Variants in PPP1R13L observed in about 807,000 individuals in gnomAD.
PPP1R13L encodes the protein protein phosphatase 1 regulatory subunit 13 like, also known as relA-associated inhibitor.
PPP1R13L carries 50 observed loss-of-function variants against 80.9 expected under a neutral mutation model. The ratio of observed to expected loss-of-function variants is 0.62; its 90% CI spans 0.49 to 0.78. The LOEUF is 0.78. Ranked by LOEUF, PPP1R13L falls within the 30% of genes least tolerant of loss-of-function variation. The pLI is 0.00. For missense variants in PPP1R13L, 1,200 were observed against 1,205.9 expected (o/e 1.00, Z 0.07); for synonymous variants, 602 against 534.3 (o/e 1.13, Z -1.75).
chr19:45,390,167 T>A (rs1211835943), intron 8 of PPP1R13L, among the ~76,000 whole-genome samples: 1 of 152,098 alleles, frequency 6.6e-6, no homozygotes. Flanking sequence ...CTTGGCTCAC[T>A]GCAACCTCCG....
Position 45,398,267 on chromosome 19 carries a change from G to T in PPP1R13L, c.52C>A (p.Gln18Lys). The T allele has an allele frequency of 6.2e-7, 1 of 1,613,930 alleles. No homozygotes were observed. Among genetic ancestry groups the T allele is most frequent in the East Asian group, 2.2e-5 (1 of 44,882 alleles). Residue 18 changes from glutamine (Q) to lysine (K), a missense_variant, in exon 2 of 13, where the codon CAG (glutamine) becomes AAG (lysine). This residue lies in a region of PPP1R13L where 764 missense variants were observed against 714.5 expected (regional missense o/e 1.07). Transcript: ENST00000360957. ...SARDFLDMNF[Q>K]SLAMKHMDLK... Reference sequence around the variant, plus strand: ...CCCGCCCCCTACTCCAGCTTACACTGGAAGTTCATGTCCAGAAAGTCCCGC... The same window carrying T: ...CCCGCCCCCTACTCCAGCTTACACTTGAAGTTCATGTCCAGAAAGTCCCGC...
chr19:45,400,226 C>G (rs934686738), intron 1 of PPP1R13L, among the ~76,000 whole-genome samples: 3 of 151,936 alleles, frequency 2.0e-5, no homozygotes, highest in African/African-American at 7.2e-5. Flanking sequence ...AGGTCTGGCT[C>G]TCACTGACCC....
intron 8 of PPP1R13L, among the ~76,000 whole-genome samples, chr19:45,388,113 A>G (rs1319662073): frequency 6.6e-6 from 1 of 151,862 alleles, no homozygotes; most frequent in Non-Finnish European, 1.5e-5. Context: ...AGTTATAGTG[A>G]GCTGAGATGG....
upstream of PPP1R13L, chr19:45,406,097 CT>C (rs1973350352): frequency 5.9e-6 from 1 of 170,738 alleles, no homozygotes; most frequent in Admixed American, 6.5e-5. This position sits in a 1 kb window ranked among gnomAD's most constrained non-coding sequence, Gnocchi z 4.2. Context: ...CCACAAGCTC[CT>C]CCCCCTATGT....
intron 1 of PPP1R13L, 36 bp from the exon 2 acceptor site, chr19:45,398,375 C>G: frequency 6.3e-7 from 1 of 1,599,788 alleles, no homozygotes; most frequent in South Asian, 1.1e-5. Flanking sequence ...GGCTAAGACC[C>G]CGCCCCTCTA....
Position 45,396,337 on chromosome 19 carries a change from C to T in PPP1R13L, c.811+1G>A. 6.2e-7 allele frequency: 1 copy of T among 1,614,100 alleles called. No individual in the cohort carries two copies. Among genetic ancestry groups the T allele is most frequent in the Non-Finnish European group, 8.5e-7 (1 of 1,180,018 alleles). ...CCATTCCCCGGGCCTCCACCACTCA[C>T]GTTCATAGCTCGCTGTCTGCGAAGG... On this transcript the variant is annotated splice_donor_variant, in intron 5 of 12. Coordinates refer to ENST00000360957, the MANE Select transcript of PPP1R13L (RefSeq NM_006663.4). LOFTEE classifies it high-confidence loss of function. This position sits in a 1 kb window ranked among gnomAD's most constrained non-coding sequence, Gnocchi z 5.3.
intron 8 of PPP1R13L, among the ~76,000 whole-genome samples, chr19:45,388,037 T>C (rs1972903125): frequency 6.6e-6 from 1 of 151,986 alleles, no homozygotes; most frequent in East Asian, 1.9e-4. Flanking sequence ...GCCGTGGTGG[T>C]GCACGCCTGT....
Position 45,396,225 on chromosome 19 carries a change from G to T in PPP1R13L, c.846C>A (p.Ser282Arg), listed in dbSNP as rs891499488. 1.2e-6 allele frequency: 2 copies of T among 1,610,178 alleles called. No individual in the cohort carries two copies. The change falls in exon 6 of 13, where the codon AGC becomes AGA. Residue 282 changes from serine to arginine, a missense_variant. Ser to Arg is a moderately radical substitution (Grantham distance 110). This residue lies in a region of PPP1R13L where 764 missense variants were observed against 714.5 expected (regional missense o/e 1.07). Coordinates refer to ENST00000360957, the MANE Select transcript of PPP1R13L (RefSeq NM_006663.4). This position sits in a 1 kb window ranked among gnomAD's most constrained non-coding sequence, Gnocchi z 5.3. ...LDVFARPASPSLQLLPWRESS... is the reference protein window; with the variant it reads ...LDVFARPASPRLQLLPWRESS... ...TCTCCCTCCAAGGCAACAGCTGCAG[G>T]CTCGGCGAGGCAGGCCTTGCGAAGA...
chr19:45,385,531 G>T lies in PPP1R13L; in HGVS notation c.2248+31C>A, dbSNP rs760154086. Reference sequence around the variant, plus strand: ...CTCCCCGCTCCTGCGCACCCGCCAGGTACCCAGGCGCCAGCAGCCCTGCCT... The same window carrying T: ...CTCCCCGCTCCTGCGCACCCGCCAGTTACCCAGGCGCCAGCAGCCCTGCCT... On this transcript the variant is annotated intron_variant, in intron 11 of 12. Coordinates refer to ENST00000360957, the MANE Select transcript of PPP1R13L (RefSeq NM_006663.4). The T allele has an allele frequency of 1.2e-5, 19 of 1,588,150 alleles. No homozygotes were observed. In the South Asian group the frequency reaches 1.9e-4, roughly 16 times the overall value.
chr19:45,381,869 G>T (rs530716196), intron 12 of PPP1R13L, among the ~76,000 whole-genome samples: 299 of 152,186 alleles, frequency 2.0e-3, no homozygotes, highest in Non-Finnish European at 3.5e-3. Flanking sequence ...GAGCCCGGGA[G>T]GCAGAGGTTG....
intron 8 of PPP1R13L, among the ~76,000 whole-genome samples, chr19:45,389,349 G>A (rs997079285): frequency 9.2e-5 from 14 of 152,154 alleles, no homozygotes; most frequent in Admixed American, 7.9e-4. Flanking sequence ...TCTTCCCGCT[G>A]TCTACGCACA....
chr19:45,391,791 C>T (rs759153778), intron 8 of PPP1R13L, 89 bp downstream of exon 8: 300 of 1,085,266 alleles, frequency 2.8e-4, no homozygotes, highest in Non-Finnish European at 3.5e-4. Flanking sequence ...ACTTCGATCT[C>T]ATCTAAGCCA....
chr19:45,398,467 C>G (rs1414715706), intron 1 of PPP1R13L, 128 bp from the exon 2 acceptor site: 1 of 875,936 alleles, frequency 1.1e-6, no homozygotes, highest in African/African-American at 1.7e-5. Context: ...GCCCTTTACC[C>G]TTTCACCTCC....
chr19:45,396,781 G>A lies in PPP1R13L; in HGVS notation c.476C>T (p.Pro159Leu), dbSNP rs758499040. 2.4e-4 allele frequency: 320 copies of A among 1,357,538 alleles called. No homozygotes were observed. Among genetic ancestry groups the A allele is most frequent in the Non-Finnish European group, 2.8e-4 (301 of 1,065,386 alleles). The allele number at this position is 1,357,538 out of a possible 1,614,324, so 84.1% of individuals were successfully genotyped here. A position where few individuals can be genotyped will look rare whatever the true frequency, so the allele number is the denominator to read the frequency against. ...GCGGAGCGGGCCTGGCCCGGGCCGC[G>A]GGGAGGGCGCACGGCCGAGGGAGCT... ...AGSSLGRAPS[P>L]RPGPGPLRQQ... The change falls in exon 4 of 13, where the codon CCG becomes CTG. Residue 159 changes from proline (P) to leucine (L), a missense_variant. This residue lies in a region of PPP1R13L where 764 missense variants were observed against 714.5 expected (regional missense o/e 1.07). Transcript: ENST00000360957. This position sits in a 1 kb window ranked among gnomAD's most constrained non-coding sequence, Gnocchi z 5.3.
intron 1 of PPP1R13L, among the ~76,000 whole-genome samples, chr19:45,403,920 A>G (rs1319391621): frequency 1.3e-5 from 2 of 152,008 alleles, no homozygotes; most frequent in Non-Finnish European, 2.9e-5. Context: ...GGACAGACAG[A>G]CACCTCCAGA....
intron 1 of PPP1R13L, among the ~76,000 whole-genome samples, chr19:45,398,589 T>TC (rs1391886375): frequency 6.7e-6 from 1 of 149,320 alleles, no homozygotes; most frequent in African/African-American, 2.5e-5. Flanking sequence ...TCTTTTCTTT[T>TC]TTTTTTTTTT....
intron 1 of PPP1R13L, 105 bp downstream of exon 1, chr19:45,404,894 A>C: frequency 4.3e-6 from 3 of 705,000 alleles, no homozygotes; most frequent in Non-Finnish European, 5.2e-6. Flanking sequence ...GGCGCGCCCC[A>C]AATTCCGCCC....
rs1568560127 is a variant in PPP1R13L at position 45,396,263 on chromosome 19, CGGGGCGGGAATCATTAGGGTCTGT to C, written c.812-28_812-5del. On this transcript the variant is annotated splice_polypyrimidine_tract_variant and splice_region_variant and intron_variant, in intron 5 of 12. Coordinates refer to ENST00000360957, the MANE Select transcript of PPP1R13L (RefSeq NM_006663.4). The surrounding 1 kb of genome is among the most constrained non-coding windows in gnomAD (Gnocchi z 5.3). ...GGCCTTGCGAAGACGTCCAGGCCTG[CGGGGCGGGAATCATTAGGGTCTGT>C]GGGGCTGCCTCTCCTCCGGGTCCTC... 1 of 1,611,988 alleles carries C rather than the reference CGGGGCGGGAATCATTAGGGTCTGT, an allele frequency of 6.2e-7. No individual in the cohort carries two copies. Among genetic ancestry groups the C allele is most frequent in the Non-Finnish European group, 8.5e-7 (1 of 1,179,706 alleles).
chr19:45,395,379 C>T, intron 7 of PPP1R13L, 57 bp downstream of exon 7: 2 of 1,564,656 alleles, frequency 1.3e-6, no homozygotes, highest in Non-Finnish European at 1.7e-6. Context: ...TGGTCTGGTC[C>T]CCCTGCCATT....
Sources: gnomAD v4.1 joint callset for allele counts (sites outside exome capture counted in the v4.1 genomes callset) on GRCh38, gnomAD v4.1.1 for gene constraint, gnomAD v4.1.1 regional missense constraint, Gnocchi (gnomAD v3.1) non-coding constraint, MANE v1.5 for transcripts, NCBI Gene and HGNC (gene_info 2026-07-23, HGNC 2026-07-21) for gene names.